Variants in PTPRD observed in about 807,000 individuals in gnomAD.
PTPRD encodes the protein protein tyrosine phosphatase receptor type D.
Under a neutral mutation model 214.5 loss-of-function variants are expected in PTPRD, and 34 were observed. The observed-to-expected ratio is 0.16, with a 90% CI of 0.12 to 0.21. PTPRD has a LOEUF of 0.21. Among genes scored for constraint, PTPRD ranks in the 10% least tolerant of loss-of-function variants. The pLI, the probability that PTPRD is intolerant of heterozygous loss-of-function variation, is 1.00. For synonymous variants in PTPRD, 1,128 were observed against 845.7 expected (o/e 1.33, Z -5.79); for missense variants, 2,545 against 2,398.7 (o/e 1.06, Z -1.27).
chr9:10,170,524 A>C (rs1463510798), intron 3 of PTPRD, among the ~76,000 whole-genome samples: 1 of 152,016 alleles, frequency 6.6e-6, no homozygotes, highest in Non-Finnish European at 1.5e-5. Flanking sequence ...CGTCTCTACT[A>C]AAAACACAAA....
chr9:9,451,974 G>T (rs968089739), intron 8 of PTPRD, among the ~76,000 whole-genome samples: 1 of 151,126 alleles, frequency 6.6e-6, no homozygotes, highest in Non-Finnish European at 1.5e-5. Flanking sequence ...GAAAGAGATA[G>T]CAAAAAGAAT....
intron 39 of PTPRD, among the ~76,000 whole-genome samples, chr9:8,355,247 T>G (rs1346718624): frequency 6.6e-6 from 1 of 152,186 alleles, no homozygotes; most frequent in African/African-American, 2.4e-5. Context: ...CCTTTTGCCT[T>G]CCACCAAACT....
chr9:10,311,328 AT>A (rs1482420722), intron 3 of PTPRD, among the ~76,000 whole-genome samples: 1 of 152,058 alleles, frequency 6.6e-6, no homozygotes, highest in African/African-American at 2.4e-5. Flanking sequence ...GAAGCTTATA[AT>A]TATATGTACC....
At chr9:9,281,734 ATC>A (rs1288861257) in intron 9 of PTPRD, among the ~76,000 whole-genome samples, 1 of 151,240 alleles carries the variant, frequency 6.6e-6, no homozygotes, top group African/African-American at 2.4e-5. Context: ...TAATCTCACA[ATC>A]ACACTCCTTT....
At chr9:10,417,226 T>C (rs2098500150) in intron 2 of PTPRD, among the ~76,000 whole-genome samples, 1 of 151,962 alleles carries the variant, frequency 6.6e-6, no homozygotes, top group Non-Finnish European at 1.5e-5. Flanking sequence ...CAAGTTCTAT[T>C]AAGACAAGTA....
chr9:10,044,329 T>TTTC (rs1365826629), intron 3 of PTPRD, among the ~76,000 whole-genome samples: 2 of 151,816 alleles, frequency 1.3e-5, no homozygotes, highest in Non-Finnish European at 2.9e-5. Context: ...CTACTAAATT[T>TTTC]TTCTTTATAT....
intron 8 of PTPRD, among the ~76,000 whole-genome samples, chr9:9,517,586 G>A (rs1336277130): frequency 2.0e-5 from 3 of 151,968 alleles, no homozygotes; most frequent in African/African-American, 4.8e-5. Context: ...TAGAGTATTA[G>A]AAACACTGGC....
intron 8 of PTPRD, among the ~76,000 whole-genome samples, chr9:9,525,652 T>C (rs1302153028): frequency 6.6e-6 from 1 of 152,050 alleles, no homozygotes; most frequent in Non-Finnish European, 1.5e-5. Context: ...GGTTAATCTG[T>C]TCAGGAATCT....
chr9:9,761,770 G>T (rs887251747), intron 6 of PTPRD, among the ~76,000 whole-genome samples: 1 of 151,706 alleles, frequency 6.6e-6, no homozygotes, highest in Non-Finnish European at 1.5e-5. Context: ...CCATCAAATT[G>T]TCTCCCCTTC....
chr9:9,403,290 C>CAAAAAAAAAAAAAAAAAAA (rs56105335), intron 8 of PTPRD, among the ~76,000 whole-genome samples: 14 of 60,634 alleles, frequency 2.3e-4, no homozygotes, highest in African/African-American at 5.2e-4. Flanking sequence ...TACTCTGTCT[C>CAAAAAAAAAAAAAAAAAAA]AAAAAAAAAA....
chr9:9,963,421 A>T (rs2154027339), intron 4 of PTPRD, among the ~76,000 whole-genome samples: 1 of 135,894 alleles, frequency 7.4e-6, no homozygotes, highest in Middle Eastern at 3.4e-3. Context: ...TCTCCTTTAT[A>T]ACTTTATAAT....
intron 11 of PTPRD, among the ~76,000 whole-genome samples, chr9:8,821,530 C>A (rs542592079): frequency 6.6e-6 from 1 of 152,344 alleles, no homozygotes; most frequent in South Asian, 2.1e-4. Flanking sequence ...ATTTAGAAAT[C>A]CCCCTTTCCC....
intron 39 of PTPRD, among the ~76,000 whole-genome samples, chr9:8,348,692 T>C (rs2074546117): frequency 6.6e-6 from 1 of 152,132 alleles, no homozygotes; most frequent in African/African-American, 2.4e-5. Context: ...TTCTTGGCTG[T>C]TCCTCAGCAC....
chr9:9,556,248 G>C (rs1428142208), intron 8 of PTPRD, among the ~76,000 whole-genome samples: 1 of 152,114 alleles, frequency 6.6e-6, no homozygotes, highest in Non-Finnish European at 1.5e-5. Flanking sequence ...AAGTGAAAGT[G>C]GATCATCATA....
chr9:8,878,433 T>G (rs1164566315), intron 11 of PTPRD, among the ~76,000 whole-genome samples: 1 of 152,036 alleles, frequency 6.6e-6, no homozygotes, highest in Non-Finnish European at 1.5e-5. Flanking sequence ...TAAAAGTAAG[T>G]AAGAAGGGGT....
rs536130430 is a variant in PTPRD at position 10,144,954 on chromosome 9, A to T, written c.-544-111164T>A. Among the ~76,000 whole-genome samples the T allele has an allele frequency of 8.1e-4, 124 of 152,150 alleles. 1 individual carries two copies. The highest frequency in any genetic ancestry group is 2.6e-3 in the African/African-American group (110 of 41,538). On this transcript the variant is annotated intron_variant, in intron 3 of 45. Transcript: ENST00000381196. ...TCAACCAACAAGAAAAGTAGGTAAG[A>T]CTTGCCGGCCCACCTCTGGAAAAAC...
chr9:8,435,004 T>C (rs1160671373), intron 35 of PTPRD, among the ~76,000 whole-genome samples: 1 of 152,186 alleles, frequency 6.6e-6, no homozygotes, highest in Non-Finnish European at 1.5e-5. Context: ...TTCTCCTGAA[T>C]GCTTGGAGCA....
At chr9:8,926,302 C>A (rs2098891824) in intron 11 of PTPRD, among the ~76,000 whole-genome samples, 1 of 152,106 alleles carries the variant, frequency 6.6e-6, no homozygotes, top group African/African-American at 2.4e-5. Context: ...TATAGGTTGC[C>A]TATTACACAA....
intron 10 of PTPRD, among the ~76,000 whole-genome samples, chr9:9,181,317 A>G (rs1235447711): frequency 6.6e-6 from 1 of 151,894 alleles, no homozygotes; most frequent in Non-Finnish European, 1.5e-5. Context: ...TTAGAAAAAA[A>G]GCCTTTTCTC....
Sources: gnomAD v4.1 joint callset for allele counts (sites outside exome capture counted in the v4.1 genomes callset) on GRCh38, gnomAD v4.1.1 for gene constraint, MANE v1.5 for transcripts, NCBI Gene and HGNC (gene_info 2026-07-23, HGNC 2026-07-21) for gene names.